Variants in AGBL4 observed in about 807,000 individuals in gnomAD.
AGBL4 encodes cytosolic carboxypeptidase 6.
AGBL4 carries 58 observed loss-of-function variants against 66.4 expected under a neutral mutation model. The ratio of observed to expected loss-of-function variants is 0.87; its 90% CI spans 0.71 to 1.09. The LOEUF is 1.09. Among genes scored for constraint, AGBL4 ranks in the 50% least tolerant of loss-of-function variants. The pLI is 0.00. For synonymous variants in AGBL4, 234 were observed against 222.9 expected (o/e 1.05, Z -0.44); for missense variants, 579 against 631.0 (o/e 0.92, Z 0.88).
intron 2 of AGBL4, among the ~76,000 whole-genome samples, chr1:49,829,234 A>G (rs1311123799): frequency 1.3e-5 from 2 of 152,172 alleles, no homozygotes; most frequent in Non-Finnish European, 2.9e-5. Flanking sequence ...TGGATTATGA[A>G]CTATTAGATA....
chr1:49,340,712 G>C (rs897792060), intron 3 of AGBL4, among the ~76,000 whole-genome samples: 1 of 152,094 alleles, frequency 6.6e-6, no homozygotes, highest in Admixed American at 6.6e-5. Flanking sequence ...ATATTGAAAC[G>C]GGGCTGGGTA....
chr1:49,551,735 T>G (rs549296195), intron 3 of AGBL4, among the ~76,000 whole-genome samples: 13 of 152,302 alleles, frequency 8.5e-5, no homozygotes, highest in African/African-American at 2.9e-4. Flanking sequence ...AGTTCTTAGC[T>G]TTGGTAGTTT....
intron 3 of AGBL4, 94 bp from the exon 4 acceptor site, chr1:49,245,958 A>T: frequency 1.1e-6 from 1 of 915,342 alleles, no homozygotes; most frequent in Non-Finnish European, 1.7e-6. Context: ...GGTTAAAGAA[A>T]GCCATATGGA....
chr1:49,713,023 T>C (rs973409794), intron 2 of AGBL4, among the ~76,000 whole-genome samples: 1 of 152,052 alleles, frequency 6.6e-6, no homozygotes, highest in Non-Finnish European at 1.5e-5. Context: ...CAATTCAGTG[T>C]TATGTCTTCA....
chr1:49,844,278 G>GA (rs1646079368), intron 2 of AGBL4, among the ~76,000 whole-genome samples: 1 of 152,092 alleles, frequency 6.6e-6, no homozygotes, highest in Non-Finnish European at 1.5e-5. Context: ...TGGCATCATG[G>GA]AGGCCACTGT....
At chr1:48,691,175 A>AC in intron 6 of AGBL4, among the ~76,000 whole-genome samples, 1 of 138,554 alleles carries the variant, frequency 7.2e-6, no homozygotes, top group South Asian at 2.1e-4. Flanking sequence ...AAAAAAAAAA[A>AC]CACATATATG....
downstream of AGBL4, among the ~76,000 whole-genome samples, chr1:48,528,842 A>C (rs1375054998): frequency 6.6e-6 from 1 of 152,166 alleles, no homozygotes; most frequent in African/African-American, 2.4e-5. Flanking sequence ...TTTTGTATGT[A>C]TCCTGGTAAG....
chr1:49,796,371 A>C (rs558242081), intron 2 of AGBL4, among the ~76,000 whole-genome samples: 19 of 151,810 alleles, frequency 1.3e-4, no homozygotes, highest in African/African-American at 4.6e-4. Context: ...AAATGAAGAC[A>C]AAAAAATGTA....
chr1:49,363,596 A>T (rs1347282540), intron 3 of AGBL4, among the ~76,000 whole-genome samples: 1 of 152,098 alleles, frequency 6.6e-6, no homozygotes, highest in Non-Finnish European at 1.5e-5. Flanking sequence ...ACTAGGGGGG[A>T]GTTACGGGTA....
intron 4 of AGBL4, among the ~76,000 whole-genome samples, chr1:49,157,213 T>C (rs1646449297): frequency 6.6e-6 from 1 of 152,116 alleles, no homozygotes; most frequent in Non-Finnish European, 1.5e-5. Context: ...TAGGTATTTC[T>C]CCTAATGCTA....
intron 6 of AGBL4, among the ~76,000 whole-genome samples, chr1:48,733,809 T>A (rs576612951): frequency 2.9e-4 from 44 of 152,346 alleles, no homozygotes; most frequent in African/African-American, 8.4e-4. Context: ...TGTGGGTCTC[T>A]GTGTTTCTTC....
intron 4 of AGBL4, among the ~76,000 whole-genome samples, chr1:49,220,964 C>G (rs1395386814): frequency 6.6e-6 from 1 of 151,972 alleles, no homozygotes; most frequent in Non-Finnish European, 1.5e-5. Flanking sequence ...CTTTGTCTGC[C>G]CAGTCTAAGC....
intron 1 of AGBL4, among the ~76,000 whole-genome samples, chr1:49,905,306 T>C (rs886835629): frequency 1.3e-5 from 2 of 152,134 alleles, no homozygotes; most frequent in Non-Finnish European, 2.9e-5. Context: ...CATAAATACA[T>C]TTCATCACCA....
intron 1 of AGBL4, among the ~76,000 whole-genome samples, chr1:49,935,337 G>C (rs548299593): frequency 2.6e-5 from 4 of 152,324 alleles, no homozygotes; most frequent in African/African-American, 7.2e-5. Flanking sequence ...CGGGAAGCTC[G>C]AACTGGGTGG....
intron 5 of AGBL4, among the ~76,000 whole-genome samples, chr1:48,941,898 G>A (rs973125290): frequency 2.0e-5 from 3 of 152,140 alleles, no homozygotes; most frequent in African/African-American, 7.2e-5. Context: ...ACAAAGTCAG[G>A]ACCTCTTATG....
chr1:49,803,045 T>C (rs1009110908), intron 2 of AGBL4, among the ~76,000 whole-genome samples: 4 of 151,054 alleles, frequency 2.6e-5, no homozygotes, highest in Non-Finnish European at 2.9e-5. Context: ...AAGTTAAATA[T>C]ATGATATATA....
intron 5 of AGBL4, among the ~76,000 whole-genome samples, chr1:48,929,676 T>C (rs1190866059): frequency 6.6e-6 from 1 of 152,218 alleles, no homozygotes; most frequent in Non-Finnish European, 1.5e-5. Flanking sequence ...ATAAGTTGTA[T>C]AGCACTGTTG....
intron 1 of AGBL4, among the ~76,000 whole-genome samples, chr1:49,959,774 A>G (rs1656969788): frequency 6.6e-6 from 1 of 152,148 alleles, no homozygotes; most frequent in Non-Finnish European, 1.5e-5. Flanking sequence ...AAGACATGGA[A>G]TGAACCTAAA....
intron 3 of AGBL4, among the ~76,000 whole-genome samples, chr1:49,290,545 TAAG>T (rs1323217163): frequency 2.0e-5 from 3 of 152,166 alleles, no homozygotes; most frequent in African/African-American, 7.2e-5. Flanking sequence ...ATAATTGTAT[TAAG>T]AAGGGGAAAG....
Sources: gnomAD v4.1 joint callset for allele counts (sites outside exome capture counted in the v4.1 genomes callset) on GRCh38, gnomAD v4.1.1 for gene constraint, MANE v1.5 for transcripts, NCBI Gene and HGNC (gene_info 2026-07-23, HGNC 2026-07-21) for gene names.